Variants in SLIT3 observed in about 807,000 individuals in gnomAD.
SLIT3 encodes the protein slit homolog 3 protein.
In SLIT3, 68 loss-of-function variants were observed where a neutral mutation model predicts 184.0. The observed-to-expected ratio is 0.37, with a 90% CI of 0.30 to 0.45. The LOEUF (loss-of-function observed/expected upper bound fraction) is 0.45, where lower values mean the gene tolerates loss of function less well. SLIT3 is among the 20% of genes least tolerant of loss of function. The pLI, the probability that SLIT3 is intolerant of heterozygous loss-of-function variation, is 1.00. For synonymous variants in SLIT3, 831 were observed against 828.6 expected (o/e 1.00, Z -0.05); for missense variants, 1,707 against 2,026.0 (o/e 0.84, Z 3.02).
At chr5:169,281,226 C>T (rs1259862402) in intron 1 of SLIT3, among the ~76,000 whole-genome samples, 1 of 152,192 alleles carries the variant, frequency 6.6e-6, no homozygotes, top group Non-Finnish European at 1.5e-5. Flanking sequence ...AGTGGCTCAT[C>T]CCAGCACTTT....
chr5:168,762,864 G>A (rs899969358), intron 14 of SLIT3, among the ~76,000 whole-genome samples, 175 bp from the exon 15 acceptor site: 1 of 152,088 alleles, frequency 6.6e-6, no homozygotes, highest in Non-Finnish European at 1.5e-5. Context: ...TGCCTTCCCT[G>A]TCCCCAGCCT....
intron 1 of SLIT3, among the ~76,000 whole-genome samples, chr5:169,268,735 A>T (rs1036907470): frequency 6.6e-6 from 1 of 152,220 alleles, no homozygotes; most frequent in Non-Finnish European, 1.5e-5. Context: ...AGAACCTCAG[A>T]GGGTTTTTGA....
intron 1 of SLIT3, among the ~76,000 whole-genome samples, chr5:169,269,528 C>T (rs1050018009): frequency 6.6e-6 from 1 of 152,256 alleles, no homozygotes; most frequent in Non-Finnish European, 1.5e-5. Context: ...ATCTGTAATA[C>T]CCTCTCCCAT....
In SLIT3 at chr5:169,269,856, T is replaced by C. The variant is rs540182342; in HGVS notation, c.198-18397A>G. 6.6e-5 allele frequency among the ~76,000 whole-genome samples: 10 copies of C among 152,376 alleles called. No homozygotes were observed. In the East Asian group the frequency reaches 1.5e-3, roughly 23 times the overall value. On this transcript the variant is annotated intron_variant, in intron 1 of 35. Transcript: ENST00000519560. ...TATGACAATTTTTAAAACTTCTGAT[T>C]ATTCCTTTGAGAATCCAATTTGTTT...
chr5:169,151,767 T>C (rs1762125611), intron 4 of SLIT3, among the ~76,000 whole-genome samples: 1 of 152,102 alleles, frequency 6.6e-6, no homozygotes, highest in East Asian at 1.9e-4. Flanking sequence ...CCTCATCGAG[T>C]AAGTGGGCAC....
At chr5:168,890,470 T>C (rs942711397) in intron 4 of SLIT3, among the ~76,000 whole-genome samples, 4 of 152,320 alleles carry the variant, frequency 2.6e-5, no homozygotes, top group Non-Finnish European at 4.4e-5. Context: ...GTTGTTGTCA[T>C]AGAATAATCT....
At position 168,722,825 on chromosome 5, in the gene SLIT3, T is replaced by C. The variant is rs115211189; in HGVS notation, c.2411+108A>G. 2.9e-4 allele frequency: 249 copies of C among 848,784 alleles called. No homozygotes were observed. The African/African-American group carries it at 3.7e-3, about 13-fold the overall frequency. 52.6% of individuals were successfully genotyped at this position (848,784 alleles called of 1,614,324 possible). On this transcript the variant is annotated intron_variant, in intron 22 of 35. Coordinates refer to ENST00000519560, the MANE Select transcript of SLIT3 (RefSeq NM_003062.4). ...TCTTATGCTAGGGCAGCCATAGGCC[T>C]GAGGGTCATTAGGGCAGAGAAACTA...
intron 4 of SLIT3, among the ~76,000 whole-genome samples, chr5:169,114,750 T>C (rs1760586410): frequency 6.6e-6 from 1 of 152,220 alleles, no homozygotes; most frequent in African/African-American, 2.4e-5. Flanking sequence ...GCTGGAGGCC[T>C]GCTCTCACCA....
At chr5:168,864,406 T>C (rs1040995667) in intron 5 of SLIT3, among the ~76,000 whole-genome samples, 1 of 152,226 alleles carries the variant, frequency 6.6e-6, no homozygotes, top group Non-Finnish European at 1.5e-5. Context: ...TTGGGTCCTA[T>C]TGGAATTTAG....
chr5:168,892,500 G>A (rs2113810652), intron 4 of SLIT3, among the ~76,000 whole-genome samples: 1 of 152,330 alleles, frequency 6.6e-6, no homozygotes, highest in Non-Finnish European at 1.5e-5. Flanking sequence ...GACTGCTTGG[G>A]GGTTCTGAGT....
intron 2 of SLIT3, among the ~76,000 whole-genome samples, chr5:169,246,973 G>A (rs1212694529): frequency 1.5e-5 from 2 of 135,568 alleles, no homozygotes; most frequent in African/African-American, 5.7e-5. Flanking sequence ...GCTCACGCCT[G>A]TAATCCCAAC....
At chr5:168,974,996 C>T (rs1754699294) in intron 4 of SLIT3, among the ~76,000 whole-genome samples, 1 of 152,164 alleles carries the variant, frequency 6.6e-6, no homozygotes. Flanking sequence ...ATTCTCGCTC[C>T]CAAGATCGAC....
intron 4 of SLIT3, among the ~76,000 whole-genome samples, chr5:169,182,405 T>C (rs768588398): frequency 1.3e-5 from 2 of 152,220 alleles, no homozygotes; most frequent in Non-Finnish European, 2.9e-5. Context: ...CTCCTGGACT[T>C]TGTAAATGAA....
chr5:169,098,921 T>C (rs1759898203), intron 4 of SLIT3, among the ~76,000 whole-genome samples: 1 of 152,056 alleles, frequency 6.6e-6, no homozygotes, highest in East Asian at 1.9e-4. Flanking sequence ...GTCACACACC[T>C]GGGCCGGCAG....
chr5:168,731,553 C>CA lies in SLIT3; in HGVS notation c.2271-7070dup, dbSNP rs376976834. ...AATGGACAATAGACATAAAAATTCT[C>CA]AAAAAAAATACTAGCAAATTGAATC... On this transcript the variant is annotated intron_variant, in intron 20 of 35. Coordinates refer to ENST00000519560, the MANE Select transcript of SLIT3 (RefSeq NM_003062.4). 3.8e-3 allele frequency among the ~76,000 whole-genome samples: 580 copies of CA among 151,426 alleles called. 7 individuals carry two copies. The highest frequency in any genetic ancestry group is 0.012 in the African/African-American group (479 of 41,386).
intron 3 of SLIT3, among the ~76,000 whole-genome samples, chr5:169,232,375 C>A (rs1220339687): frequency 1.3e-5 from 2 of 152,068 alleles, no homozygotes. Flanking sequence ...CAGGCACATG[C>A]CACCACACCT....
chr5:168,773,078 T>C (rs1033446110), intron 13 of SLIT3, 134 bp from the exon 14 acceptor site: 7 of 865,788 alleles, frequency 8.1e-6, no homozygotes, highest in Non-Finnish European at 1.2e-5. Flanking sequence ...CAGGAAGCCT[T>C]AGGGGGTGCT....
At chr5:168,722,837 G>T in intron 22 of SLIT3, 96 bp downstream of exon 22, 2 of 926,158 alleles carry the variant, frequency 2.2e-6, no homozygotes, top group African/African-American at 1.6e-5. Context: ...AGGGTCATTA[G>T]GGCAGAGAAA....
chr5:168,698,983 C>T (rs1762138878), intron 27 of SLIT3, among the ~76,000 whole-genome samples: 2 of 152,356 alleles, frequency 1.3e-5, no homozygotes, highest in South Asian at 4.1e-4. Flanking sequence ...GCGGGGAGCT[C>T]TTCCCTCATC....
Sources: gnomAD v4.1 joint callset for allele counts (sites outside exome capture counted in the v4.1 genomes callset) on GRCh38, gnomAD v4.1.1 for gene constraint, MANE v1.5 for transcripts, NCBI Gene and HGNC (gene_info 2026-07-23, HGNC 2026-07-21) for gene names.